CMSS1: variants seen among roughly 807,000 people sequenced by gnomAD.
CMSS1 encodes the protein cms1 ribosomal small subunit homolog.
A neutral mutation model predicts 43.5 loss-of-function variants in CMSS1; 33 were observed. That is an observed-to-expected ratio of 0.76 (90% CI 0.57 to 1.01). The LOEUF is 1.01. CMSS1 is among the 50% of genes least tolerant of loss of function. The pLI is 0.00. For synonymous variants in CMSS1, 115 were observed against 117.2 expected, an observed-to-expected ratio of 0.98 and a Z score of 0.12; for missense variants, 313 against 326.4, an observed-to-expected ratio of 0.96 and a Z score of 0.32.
intron 1 of CMSS1, among the ~76,000 whole-genome samples, chr3:100,057,203 G>GAC (rs1040474758): frequency 6.6e-6 from 1 of 152,128 alleles, no homozygotes; most frequent in African/African-American, 2.4e-5. Context: ...CCCTCCAGTG[G>GAC]ACTAGGTGAC....
At chr3:100,077,604 C>G (rs2065869792) in intron 1 of CMSS1, among the ~76,000 whole-genome samples, 1 of 152,100 alleles carries the variant, frequency 6.6e-6, no homozygotes, top group Non-Finnish European at 1.5e-5. Flanking sequence ...TAAAACAGTA[C>G]AGAATGAGAT....
intron 9 of CMSS1, 67 bp downstream of exon 9, chr3:100,176,482 A>G (rs2067149341): frequency 9.6e-7 from 1 of 1,042,546 alleles, no homozygotes; most frequent in Non-Finnish European, 1.5e-6. Context: ...AAACACAGTA[A>G]TAAAGTCTTT....
intron 1 of CMSS1, chr3:100,141,697 G>T (rs2066806683): frequency 5.1e-6 from 2 of 392,514 alleles, no homozygotes; most frequent in Admixed American, 3.0e-5. Context: ...GTTGCCAGGG[G>T]TTGAAAAAGG....
intron 1 of CMSS1, among the ~76,000 whole-genome samples, chr3:99,873,628 T>C (rs1320844021): frequency 1.3e-5 from 2 of 152,194 alleles, no homozygotes; most frequent in African/African-American, 2.4e-5. Flanking sequence ...CAGTTTTTTT[T>C]CTTAAATCTC....
intron 1 of CMSS1, among the ~76,000 whole-genome samples, chr3:99,979,893 A>T (rs1709071500): frequency 6.6e-6 from 1 of 152,146 alleles, no homozygotes; most frequent in African/African-American, 2.4e-5. Flanking sequence ...AAAGAGAGAG[A>T]GCGGGACAAA....
chr3:99,880,420 C>A (rs1559673910), intron 1 of CMSS1, among the ~76,000 whole-genome samples: 1 of 152,154 alleles, frequency 6.6e-6, no homozygotes, highest in Non-Finnish European at 1.5e-5. Context: ...TATATATAGA[C>A]CCTCTTTACT....
At position 100,108,583 on chromosome 3, in the gene CMSS1, A is replaced by G. The variant is rs558038342; in HGVS notation, c.65-38390A>G. On this transcript the variant is annotated intron_variant, in intron 1 of 9. Transcript: ENST00000421999. The stretch of plus-strand genomic sequence containing the variant: ...TTGACTCTGATTTTGTTTGATATTC[A>G]TGTATTCAATTCAAACAGTCCTCAC... 3.3e-5 allele frequency among the ~76,000 whole-genome samples: 5 copies of G among 152,276 alleles called. No individual in the cohort carries two copies. In the South Asian group the frequency reaches 1.0e-3, roughly 32 times the overall value.
At chr3:99,841,292 T>C (rs189041599) in intron 1 of CMSS1, among the ~76,000 whole-genome samples, 1 of 152,404 alleles carries the variant, frequency 6.6e-6, no homozygotes, top group Admixed American at 6.5e-5. Flanking sequence ...CTTTCAAATA[T>C]ATCAAATTAT....
intron 1 of CMSS1, among the ~76,000 whole-genome samples, chr3:99,876,787 C>T (rs1361507680): frequency 2.0e-5 from 3 of 152,048 alleles, no homozygotes; most frequent in Non-Finnish European, 4.4e-5. Context: ...CAGTGTTTTT[C>T]CTGAAAGAAC....
rs1481987617 is a variant in CMSS1, at chr3:100,160,432, T to C, written c.156T>C (p.Pro52=). 4.8e-6 allele frequency: 7 copies of C among 1,467,194 alleles called. No homozygotes were observed. Among genetic ancestry groups the C allele is most frequent in the Non-Finnish European group, 6.7e-6 (7 of 1,052,448 alleles). 90.9% of individuals were successfully genotyped at this position (1,467,194 alleles called of 1,614,324 possible). ...TTCTCATTTGTATTTCTTAATAGCC[T>C]AAAGAATGTTTTTTGATACAACCAA... The part of the protein sequence containing the change: ...VPVPSEKTKQ[P]KECFLIQPKE... Residue 52 remains proline (P), a splice_region_variant and synonymous_variant, in exon 3 of 10, where the codon CCT becomes CCC. Coordinates refer to ENST00000421999, the MANE Select transcript of CMSS1 (RefSeq NM_032359.4).
chr3:100,057,696 C>G (rs1446899825), intron 1 of CMSS1, among the ~76,000 whole-genome samples: 1 of 152,160 alleles, frequency 6.6e-6, no homozygotes, highest in African/African-American at 2.4e-5. Context: ...AAGCCCCCTG[C>G]TTGCCCGGGT....
chr3:99,837,978 G>A, intron 1 of CMSS1, among the ~76,000 whole-genome samples: 1 of 152,168 alleles, frequency 6.6e-6, no homozygotes, highest in East Asian at 1.9e-4. Flanking sequence ...TGGTTGTGAT[G>A]TTCCTTCCGT....
chr3:99,831,866 A>G lies in CMSS1; in HGVS notation c.64+13823A>G, dbSNP rs539327490. On this transcript the variant is annotated intron_variant, in intron 1 of 9. Coordinates refer to ENST00000421999, the MANE Select transcript of CMSS1 (RefSeq NM_032359.4). ...CCACACTTGGAAAAGTGCTGCCATA[A>G]TTGAACTTCCTTTAGATGTAAGCTT... 2.6e-5 allele frequency among the ~76,000 whole-genome samples: 4 copies of G among 152,346 alleles called. No homozygotes were observed. In the East Asian group the frequency reaches 5.8e-4, roughly 22 times the overall value.
Position 100,035,274 on chromosome 3 carries a change from G to T in CMSS1, c.65-111699G>T, listed in dbSNP as rs531024121. Among the ~76,000 whole-genome samples, 17 of 151,948 alleles carry T rather than the reference G, an allele frequency of 1.1e-4. No homozygotes were observed. The East Asian group carries it at 1.5e-3, about 14-fold the overall frequency. ...GCGCATATTCCTCCTTAAATTATTA[G>T]TATTATTATTATTATTTGAGACACA... On this transcript the variant is annotated intron_variant, in intron 1 of 9. Coordinates refer to ENST00000421999, the MANE Select transcript of CMSS1 (RefSeq NM_032359.4).
intron 1 of CMSS1, chr3:99,874,486 C>G (rs1705403559): frequency 6.6e-6 from 1 of 152,130 alleles, no homozygotes; most frequent in Non-Finnish European, 1.5e-5. Context: ...GGTGGGCTTC[C>G]CTAGGTTTGA....
At chr3:99,928,013 G>A (rs969876723) in intron 1 of CMSS1, among the ~76,000 whole-genome samples, 2 of 152,078 alleles carry the variant, frequency 1.3e-5, no homozygotes, top group Admixed American at 6.5e-5. Context: ...GATTTTTTAG[G>A]TTTTTCAAAA....
chr3:100,065,960 C>T (rs141304961), intron 1 of CMSS1, among the ~76,000 whole-genome samples: 8 of 152,174 alleles, frequency 5.3e-5, no homozygotes, highest in Admixed American at 1.3e-4. Flanking sequence ...CACACTGGAC[C>T]TTCTGAATCA....
At chr3:99,979,396 T>C (rs1258024689) in intron 1 of CMSS1, among the ~76,000 whole-genome samples, 3 of 152,234 alleles carry the variant, frequency 2.0e-5, no homozygotes, top group African/African-American at 7.2e-5. Context: ...CACAGTAGAA[T>C]GATTCTAAAG....
intron 1 of CMSS1, among the ~76,000 whole-genome samples, chr3:100,016,506 T>C (rs764689856): frequency 3.9e-5 from 6 of 152,152 alleles, no homozygotes; most frequent in Admixed American, 1.3e-4. Context: ...TTATAACTTT[T>C]CTGATTTCTT....
Sources: allele counts gnomAD v4.1 joint callset (sites outside exome capture counted in the v4.1 genomes callset), GRCh38; gene constraint gnomAD v4.1.1; transcripts MANE v1.5; gene names NCBI Gene and HGNC (gene_info 2026-07-23, HGNC 2026-07-21).